IGF2BP3: variants seen among roughly 807,000 people sequenced by gnomAD.
IGF2BP3 encodes insulin-like growth factor 2 mRNA-binding protein 3.
In IGF2BP3, 9 loss-of-function variants were observed where a neutral mutation model predicts 73.8. That is an observed-to-expected ratio of 0.12 (90% confidence interval 0.07 to 0.21). IGF2BP3 has a LOEUF of 0.21. Ranked by LOEUF, IGF2BP3 falls within the 10% of genes least tolerant of loss-of-function variation. The pLI, the probability that IGF2BP3 is intolerant of heterozygous loss-of-function variation, is 1.00. For synonymous variants in IGF2BP3, 258 were observed against 256.7 expected (o/e 1.01, Z -0.05); for missense variants, 542 against 714.0 (o/e 0.76, Z 2.75).
At chr7:23,439,144 G>A (rs1378081849) in intron 2 of IGF2BP3, among the ~76,000 whole-genome samples, 1 of 152,070 alleles carries the variant, frequency 6.6e-6, no homozygotes, top group Non-Finnish European at 1.5e-5. Flanking sequence ...CTCGAAGGCT[G>A]AGGCAAAAGA....
chr7:23,415,269 T>A, intron 3 of IGF2BP3: 2 of 239,906 alleles, frequency 8.3e-6, no homozygotes, highest in South Asian at 7.5e-5. Context: ...CATCACCGCA[T>A]CACCAAGTCC....
intron 3 of IGF2BP3, among the ~76,000 whole-genome samples, chr7:23,385,026 A>T (rs1187445409): frequency 1.3e-5 from 2 of 152,232 alleles, no homozygotes; most frequent in Non-Finnish European, 2.9e-5. Context: ...AGCCATCTGT[A>T]AAATCAAACA....
At chr7:23,337,884 G>A (rs1165608249) in intron 10 of IGF2BP3, among the ~76,000 whole-genome samples, 1 of 152,154 alleles carries the variant, frequency 6.6e-6, no homozygotes, top group Non-Finnish European at 1.5e-5. Context: ...GTTGGAGCTT[G>A]AGCAGTTATC....
rs185874241 is a variant in IGF2BP3 at position 23,363,961 on chromosome 7, G to A, written c.286-2220C>T. ...CCTTAAATTAAAAACAAGGGTGGCC[G>A]GGCACAGTGGCTCATGCCTGTAATC... On this transcript the variant is annotated intron_variant, in intron 3 of 14. Coordinates refer to ENST00000258729, the MANE Select transcript of IGF2BP3 (RefSeq NM_006547.3). 9.2e-5 allele frequency among the ~76,000 whole-genome samples: 14 copies of A among 152,368 alleles called. 1 individual carries two copies. The East Asian group carries it at 2.1e-3, about 23-fold the overall frequency.
intron 3 of IGF2BP3, among the ~76,000 whole-genome samples, chr7:23,407,885 A>C (rs1786886702): frequency 6.9e-6 from 1 of 144,222 alleles, no homozygotes; most frequent in Admixed American, 7.1e-5. Flanking sequence ...AAAGAATAAA[A>C]TACCACAATA....
chr7:23,444,743 A>G, intron 2 of IGF2BP3, among the ~76,000 whole-genome samples: 1 of 54,762 alleles, frequency 1.8e-5, no homozygotes, highest in South Asian at 5.0e-4. Context: ...ACTCTGTCTC[A>G]AAAAAAAAAA....
intron 3 of IGF2BP3, among the ~76,000 whole-genome samples, chr7:23,386,036 A>G (rs1220636964): frequency 6.6e-6 from 1 of 152,176 alleles, no homozygotes; most frequent in Non-Finnish European, 1.5e-5. Flanking sequence ...CTTATCTAAG[A>G]TTTGTTTCAA....
chr7:23,381,591 T>TG (rs1252339803), intron 3 of IGF2BP3, among the ~76,000 whole-genome samples: 1 of 152,148 alleles, frequency 6.6e-6, no homozygotes, highest in Non-Finnish European at 1.5e-5. Context: ...TTTTTTTAGA[T>TG]GGAGTCTCAC....
In IGF2BP3 at chr7:23,329,229, A is replaced by C. The variant is rs1038253634; in HGVS notation, c.1204-9975T>G. 1.7e-4 allele frequency among the ~76,000 whole-genome samples: 26 copies of C among 152,058 alleles called. 1 individual carries two copies. Among genetic ancestry groups the C allele is most frequent in the African/African-American group, 5.6e-4 (23 of 41,392 alleles). On this transcript the variant is annotated intron_variant, in intron 10 of 14. Coordinates refer to ENST00000258729, the MANE Select transcript of IGF2BP3 (RefSeq NM_006547.3). ...CTCCGTCTCAAAAAAAAAAAAAATT[A>C]AAACAAGGAATGGATACAATAAATA... is the stretch of plus-strand genomic sequence containing the variant.
At chr7:23,413,380 C>T (rs1487238297) in intron 3 of IGF2BP3, 9 of 152,186 alleles carry the variant, frequency 5.9e-5, no homozygotes, top group Admixed American at 5.9e-4. Flanking sequence ...ACTCAGGAGG[C>T]TGAGGCAGGA....
intron 2 of IGF2BP3, among the ~76,000 whole-genome samples, chr7:23,468,217 G>A (rs965901112): frequency 5.9e-5 from 9 of 152,220 alleles, no homozygotes; most frequent in African/African-American, 2.2e-4. Context: ...CGCTCGGACC[G>A]AGGACATTCA....
At chr7:23,329,473 AAGT>A (rs1312722608) in intron 10 of IGF2BP3, among the ~76,000 whole-genome samples, 1 of 152,186 alleles carries the variant, frequency 6.6e-6, no homozygotes, top group Non-Finnish European at 1.5e-5. Flanking sequence ...ACGTTCTTAG[AAGT>A]AGAACTGCTG....
rs1355185004 is a variant in IGF2BP3 at position 23,312,118 on chromosome 7, TC to T, written c.*243del. 1 of 255,042 alleles carries T rather than the reference TC, an allele frequency of 3.9e-6. No homozygotes were observed. The highest frequency in any genetic ancestry group is 7.7e-6 in the Non-Finnish European group (1 of 130,692). The allele number at this position is 255,042 out of a possible 1,614,324, so 15.8% of individuals were successfully genotyped here. A position where few individuals can be genotyped will look rare whatever the true frequency, so the allele number is the denominator to read the frequency against. On this transcript the variant is annotated 3_prime_UTR_variant, in exon 15 of 15. Transcript: ENST00000258729. ...TGCAGAGCTCTTCTCTTTCCCTCCC[TC>T]CCCCACCCTTTTTTTGTTTGTTTGT...
At chr7:23,328,824 A>C (rs1784369722) in intron 10 of IGF2BP3, among the ~76,000 whole-genome samples, 1 of 152,244 alleles carries the variant, frequency 6.6e-6, no homozygotes, top group Non-Finnish European at 1.5e-5. Flanking sequence ...CAAATGCTCA[A>C]GAAGAATGAC....
chr7:23,348,466 C>A (rs898847774), intron 6 of IGF2BP3, among the ~76,000 whole-genome samples: 1 of 152,318 alleles, frequency 6.6e-6, no homozygotes, highest in South Asian at 2.1e-4. Context: ...TAGGAGCAAA[C>A]TGGTCAGCAA....
intron 3 of IGF2BP3, among the ~76,000 whole-genome samples, chr7:23,392,645 G>C (rs915693201): frequency 6.6e-6 from 1 of 151,522 alleles, no homozygotes; most frequent in Non-Finnish European, 1.5e-5. Context: ...TTTGTTTTTG[G>C]AGACAGGGTC....
intron 2 of IGF2BP3, among the ~76,000 whole-genome samples, chr7:23,441,297 A>C (rs1787926852): frequency 6.6e-6 from 1 of 152,068 alleles, no homozygotes; most frequent in South Asian, 2.1e-4. Context: ...TGTTAAGACC[A>C]GGCACGGTGG....
chr7:23,347,765 G>A (rs373180061), intron 6 of IGF2BP3, 31 bp from the exon 7 acceptor site: 15 of 1,613,578 alleles, frequency 9.3e-6, no homozygotes, highest in East Asian at 6.7e-5. Flanking sequence ...AGAGGAAAAC[G>A]AGAGCAGTAA....
intron 10 of IGF2BP3, among the ~76,000 whole-genome samples, chr7:23,321,640 A>G (rs1020618119): frequency 1.8e-4 from 28 of 152,358 alleles, no homozygotes; most frequent in Non-Finnish European, 3.4e-4. Context: ...AGACAAAAAG[A>G]CAGCAGTAAC....
Sources: allele counts gnomAD v4.1 joint callset (sites outside exome capture counted in the v4.1 genomes callset), GRCh38; gene constraint gnomAD v4.1.1; transcripts MANE v1.5; gene names NCBI Gene and HGNC (gene_info 2026-07-23, HGNC 2026-07-21).